The following RUVBL1 variants were observed in gnomAD, a reference collection of about 807,000 sequenced individuals.
RUVBL1 encodes ruvB-like 1.
RUVBL1 carries 4 observed loss-of-function variants against 52.4 expected under a neutral mutation model. The ratio of observed to expected loss-of-function variants is 0.08; its 90% CI spans 0.04 to 0.17. RUVBL1 has a LOEUF of 0.17. RUVBL1 is among the 10% of genes least tolerant of loss of function. The pLI is 1.00. For missense variants in RUVBL1, 298 were observed against 572.8 expected, an observed-to-expected ratio of 0.52 and a Z score of 4.90; for synonymous variants, 217 against 214.4, an observed-to-expected ratio of 1.01 and a Z score of -0.10.
rs372381267 is a variant in RUVBL1 at position 128,081,331 on chromosome 3, G to C, written c.1290C>G (p.Val430=). The C allele has an allele frequency of 6.2e-7, 1 of 1,614,192 alleles. No individual in the cohort carries two copies. The highest frequency in any genetic ancestry group is 1.7e-5 in the Admixed American group (1 of 60,018). The change falls in exon 11 of 11, where the codon GTC becomes GTG. Residue 430 remains valine, a synonymous_variant. Coordinates refer to ENST00000322623, the MANE Select transcript of RUVBL1 (RefSeq NM_003707.3). This position sits in a 1 kb window ranked among gnomAD's most constrained non-coding sequence, Gnocchi z 4.8. ...CATAGAAAAGTTCACTGATCTCTTC[G>C]ACATGCTCTTTCTCAATGCTGTCCT... The part of the protein sequence containing the change: ...NGKDSIEKEH[V]EEISELFYDA...
chr3:128,101,769 T>C lies in RUVBL1; in HGVS notation c.514-121A>G, dbSNP rs1943113147. On this transcript the variant is annotated intron_variant, in intron 4 of 10. Coordinates refer to ENST00000322623, the MANE Select transcript of RUVBL1 (RefSeq NM_003707.3). ...GCAGGTGCATGGAGAAAGCCTGTTT[T>C]GCGTTTGCATGAATACTGGGACCTG... The C allele has an allele frequency of 8.8e-6, 8 of 913,314 alleles. No homozygotes were observed. The South Asian group carries it at 1.1e-4, about 13-fold the overall frequency. 56.6% of individuals were successfully genotyped at this position (913,314 alleles called of 1,614,324 possible).
chr3:128,101,166 C>T lies in RUVBL1; in HGVS notation c.603+393G>A, dbSNP rs192935335. 2.3e-3 allele frequency among the ~76,000 whole-genome samples: 355 copies of T among 152,266 alleles called. 1 individual carries two copies. Among genetic ancestry groups the T allele is most frequent in the African/African-American group, 7.8e-3 (323 of 41,540 alleles). On this transcript the variant is annotated intron_variant, in intron 5 of 10. Transcript: ENST00000322623. Reference sequence around the variant, plus strand: ...CCTGAAAATCAGATAGAAAAGAATGCCAACGAATGCAGCGTTCCTTCCCAC... The same window carrying T: ...CCTGAAAATCAGATAGAAAAGAATGTCAACGAATGCAGCGTTCCTTCCCAC...
chr3:128,067,715 G>C lies in RUVBL1; in HGVS notation c.940-2495C>G. 1.0e-6 allele frequency: 1 copy of C among 975,298 alleles called. No homozygotes were observed. The highest frequency in any genetic ancestry group is 1.5e-6 in the Non-Finnish European group (1 of 653,948). 60.4% of individuals were successfully genotyped at this position (975,298 alleles called of 1,614,324 possible). A position where few individuals can be genotyped will look rare whatever the true frequency, so the allele number is the denominator to read the frequency against. On this transcript the variant is annotated intron_variant, in intron 9 of 9. Transcript: ENST00000464873. The surrounding 1 kb of genome is among the most constrained non-coding windows in gnomAD (Gnocchi z 4.1). ...TAAATAATGGTCTGTGACGTGTGCA[G>C]ATAGATCGTCGTCCTTTAGGGGGCA... is the stretch of plus-strand genomic sequence containing the variant.
chr3:128,140,393 C>G (rs1944006218), intron 1 of RUVBL1, among the ~76,000 whole-genome samples: 2 of 151,230 alleles, frequency 1.3e-5, no homozygotes, highest in Non-Finnish European at 2.9e-5. Context: ...TGCACCTGCT[C>G]CCACGTTTTC....
intron 1 of RUVBL1, among the ~76,000 whole-genome samples, chr3:128,139,206 A>T (rs1370030654): frequency 1.3e-5 from 2 of 152,188 alleles, no homozygotes; most frequent in African/African-American, 4.8e-5. Context: ...GATTATATAA[A>T]GTTAAAAAGT....
At chr3:128,109,658 T>C (rs1943330390) in intron 3 of RUVBL1, among the ~76,000 whole-genome samples, 1 of 151,932 alleles carries the variant, frequency 6.6e-6, no homozygotes, top group African/African-American at 2.4e-5. Context: ...CACACCCAGC[T>C]AATTTTTGTA....
At position 128,116,696 on chromosome 3, in the gene RUVBL1, A is replaced by G. The variant is rs184116077; in HGVS notation, c.228+2632T>C. ...ATTTTCTTTTCATTAAAACAATTTAACTTCGTTGTCTTTGAAAGCACATTT... is the reference window on the plus strand; with the variant it reads ...ATTTTCTTTTCATTAAAACAATTTAGCTTCGTTGTCTTTGAAAGCACATTT... On this transcript the variant is annotated intron_variant, in intron 2 of 10. Coordinates refer to ENST00000322623, the MANE Select transcript of RUVBL1 (RefSeq NM_003707.3). Among the ~76,000 whole-genome samples, 475 of 152,270 alleles carry G rather than the reference A, an allele frequency of 3.1e-3. 4 individuals are homozygous for G. The highest frequency in any genetic ancestry group is 0.011 in the African/African-American group (451 of 41,550).
chr3:128,094,879 T>C (rs577067309), intron 8 of RUVBL1, among the ~76,000 whole-genome samples: 1 of 152,352 alleles, frequency 6.6e-6, no homozygotes, highest in South Asian at 2.1e-4. Flanking sequence ...GCTATTACTT[T>C]TTTCATTACC....
chr3:128,110,136 A>C (rs1943349437), intron 3 of RUVBL1, among the ~76,000 whole-genome samples: 1 of 152,140 alleles, frequency 6.6e-6, no homozygotes, highest in East Asian at 1.9e-4. Context: ...TTTTTAAAAA[A>C]TTAGCTGGGT....
chr3:128,114,389 A>T (rs1943468466), intron 2 of RUVBL1, among the ~76,000 whole-genome samples: 1 of 152,218 alleles, frequency 6.6e-6, no homozygotes, highest in Non-Finnish European at 1.5e-5. Context: ...TGTATAGCAC[A>T]GTATAAAATG....
At chr3:128,141,369 T>A (rs1384750238) in intron 1 of RUVBL1, among the ~76,000 whole-genome samples, 1 of 152,230 alleles carries the variant, frequency 6.6e-6, no homozygotes, top group Non-Finnish European at 1.5e-5. Flanking sequence ...AAAACAGTGA[T>A]GACAACACTC....
downstream of RUVBL1, among the ~76,000 whole-genome samples, chr3:128,077,027 A>G (rs971392195): frequency 3.8e-4 from 58 of 151,532 alleles, no homozygotes; most frequent in Non-Finnish European, 6.9e-4. Context: ...GGCCCATCTT[A>G]TCGCGGCGGC....
At chr3:128,140,866 A>G (rs1029532308) in intron 1 of RUVBL1, among the ~76,000 whole-genome samples, 15 of 152,226 alleles carry the variant, frequency 9.9e-5, no homozygotes, top group African/African-American at 3.4e-4. Context: ...TAGTATATAT[A>G]CCATCTAGGT....
chr3:128,074,377 C>CAA lies in RUVBL1; in HGVS notation c.940-9159_940-9158dup, dbSNP rs35544549. On this transcript the variant is annotated intron_variant, in intron 9 of 9. Coordinates refer to the RUVBL1 transcript ENST00000464873. Reference sequence around the variant, plus strand: ...TAGAGCAGGAAAACCTAATCTATTGCAAAAAAAAAAAAAATTCTAACAGTG... The same window carrying CAA: ...TAGAGCAGGAAAACCTAATCTATTGCAAAAAAAAAAAAAAAATTCTAACAGTG... 4.1e-3 allele frequency among the ~76,000 whole-genome samples: 600 copies of CAA among 146,276 alleles called. 6 individuals carry two copies. Among genetic ancestry groups the CAA allele is most frequent in the African/African-American group, 8.4e-3 (330 of 39,352 alleles).
chr3:128,085,583 CAT>C (rs1263370464), intron 9 of RUVBL1, among the ~76,000 whole-genome samples: 2 of 152,238 alleles, frequency 1.3e-5, no homozygotes, highest in Non-Finnish European at 2.9e-5. Context: ...TCCTAGGTAA[CAT>C]ATACAATTGC....
chr3:128,122,985 G>A (rs1270149261), intron 1 of RUVBL1, among the ~76,000 whole-genome samples: 1 of 152,114 alleles, frequency 6.6e-6, no homozygotes, highest in African/African-American at 2.4e-5. Context: ...TGCTTGGAGG[G>A]GTGGATAAAC....
chr3:128,106,304 A>G (rs1279497235), intron 3 of RUVBL1, among the ~76,000 whole-genome samples: 4 of 152,260 alleles, frequency 2.6e-5, no homozygotes, highest in African/African-American at 4.8e-5. Flanking sequence ...GCTCTTTAAT[A>G]AACGTTTGTT....
chr3:128,087,395 CTATCA>C (rs1942679876), intron 9 of RUVBL1, among the ~76,000 whole-genome samples: 1 of 152,210 alleles, frequency 6.6e-6, no homozygotes. Context: ...TCCCTAATGG[CTATCA>C]TCATGTTGAT....
chr3:128,082,928 T>G lies in RUVBL1; in HGVS notation c.1120-354A>C. On this transcript the variant is annotated intron_variant, in intron 9 of 10. Coordinates refer to ENST00000322623, the MANE Select transcript of RUVBL1 (RefSeq NM_003707.3). The surrounding 1 kb of genome is among the most constrained non-coding windows in gnomAD (Gnocchi z 4.7). ...CAGAGAACTGGGGCCTCTTCTAACC[T>G]ACCCGGGGCTCCTGCAAGGGCTCTA... 5.3e-6 allele frequency: 1 copy of G among 188,362 alleles called. No individual in the cohort carries two copies. The allele number at this position is 188,362 out of a possible 1,614,324, so 11.7% of individuals were successfully genotyped here.
Sources: allele counts gnomAD v4.1 joint callset (sites outside exome capture counted in the v4.1 genomes callset), GRCh38; gene constraint gnomAD v4.1.1; non-coding constraint Gnocchi (gnomAD v3.1); transcripts MANE v1.5; gene names NCBI Gene and HGNC (gene_info 2026-07-23, HGNC 2026-07-21).